The following CTSB variants were observed in gnomAD, a reference collection of about 807,000 sequenced individuals.
The protein encoded by CTSB is APP secretase.
CTSB carries 57 observed loss-of-function variants against 44.3 expected under a neutral mutation model. The observed-to-expected ratio is 1.29, with a 90% CI of 1.04 to 1.60. The LOEUF is 1.60. Ranked by LOEUF, CTSB falls within the 40% of genes most tolerant of loss-of-function variation. CTSB has a pLI of 0.00. For missense variants in CTSB, 768 were observed against 443.0 expected (o/e 1.73, Z -6.59); for synonymous variants, 320 against 168.0 (o/e 1.91, Z -7.00).
At position 11,844,961 on chromosome 8, in the gene CTSB, G is replaced by C. The variant is rs1182397283; in HGVS notation, c.*164C>G. ...CCTGTCTGCACTGTAACCACAGGCT[G>C]GGATGTAGCCAGGACTTGGTCTCCT... On this transcript the variant is annotated 3_prime_UTR_variant, in exon 10 of 10. Coordinates refer to ENST00000353047, the MANE Select transcript of CTSB (RefSeq NM_001908.5). 3.3e-6 allele frequency: 2 copies of C among 614,824 alleles called. No individual in the cohort carries two copies. Among genetic ancestry groups the C allele is most frequent in the Non-Finnish European group, 5.8e-6 (2 of 343,480 alleles). 38.1% of individuals were successfully genotyped at this position (614,824 alleles called of 1,614,324 possible).
At chr8:11,845,834 C>T (rs993759610) in intron 8 of CTSB, 45 bp from the exon 9 acceptor site, 4 of 1,565,382 alleles carry the variant, frequency 2.6e-6, no homozygotes, top group Non-Finnish European at 3.5e-6. Context: ...GGCCACTGTC[C>T]CACGCCCCAC....
chr8:11,863,540 G>T (rs1388289245), intron 1 of CTSB, among the ~76,000 whole-genome samples: 1 of 152,076 alleles, frequency 6.6e-6, no homozygotes, highest in African/African-American at 2.4e-5. Context: ...ACCCATTTAT[G>T]CCAGAGGTTG....
intron 1 of CTSB, among the ~76,000 whole-genome samples, chr8:11,866,913 C>G (rs1024455263): frequency 6.6e-6 from 1 of 152,180 alleles, no homozygotes; most frequent in Non-Finnish European, 1.5e-5. Flanking sequence ...GAGAGTGCAT[C>G]TCAGCTATCC....
chr8:11,845,182 G>T lies in CTSB; in HGVS notation c.963C>A (p.Ile321=). 1 of 1,613,904 alleles carries T rather than the reference G, an allele frequency of 6.2e-7. No homozygotes were observed. The highest frequency in any genetic ancestry group is 8.5e-7 in the Non-Finnish European group (1 of 1,179,806). The part of the protein sequence containing the change: ...KILRGQDHCG[I]ESEVVAGIPR... ...GAATTCCAGCCACCACTTCTGATTC[G>T]ATTCCACAGTGATCCTGTCCTCTGA... is the stretch of plus-strand genomic sequence containing the variant. Residue 321 remains isoleucine, a synonymous_variant, in exon 10 of 10, where the codon ATC becomes ATA. Transcript: ENST00000353047.
intron 1 of CTSB, among the ~76,000 whole-genome samples, chr8:11,863,284 T>A (rs1317989009): frequency 2.0e-5 from 3 of 151,920 alleles, no homozygotes; most frequent in African/African-American, 2.4e-5. Context: ...CATAGTGACA[T>A]CCCGTCTCTA....
chr8:11,855,451 G>GTTCAAC (rs1241747657), intron 1 of CTSB, among the ~76,000 whole-genome samples: 5 of 152,236 alleles, frequency 3.3e-5, no homozygotes, highest in Non-Finnish European at 7.3e-5. Flanking sequence ...GAGGCCAGGT[G>GTTCAAC]TTCAACACCA....
rs1414442738 is a variant in CTSB, at chr8:11,847,770, C to T, written c.585G>A (p.Arg195=). The change falls in exon 7 of 10, where the codon CGG becomes CGA. Residue 195 remains arginine, a synonymous_variant. Transcript: ENST00000353047. ...TATCTCCCTCCCCCGTGCATGGGGGCCGGGAGCCGTTGACGTGGTGCTCAC... is the reference window on the plus strand; with the variant it reads ...TATCTCCCTCCCCCGTGCATGGGGGTCGGGAGCCGTTGACGTGGTGCTCAC... ...PPCEHHVNGS[R]PPCTGEGDTP... 6.2e-7 allele frequency: 1 copy of T among 1,600,176 alleles called. No homozygotes were observed. Among genetic ancestry groups the T allele is most frequent in the Non-Finnish European group, 8.5e-7 (1 of 1,175,912 alleles).
rs1803250 is a variant in CTSB, at chr8:11,852,665, T to C, written c.157A>G (p.Ser53Gly). ...GTACCACATAGCCTCTTCAAGTAGC[T>C]CATGTCCACGTTGTAGAAGTTGTGC... is the stretch of plus-strand genomic sequence containing the variant. ...AGHNFYNVDM[S>G]YLKRLCGTFL... is the part of the protein sequence containing the mutation. The change falls in exon 3 of 10, where the codon AGC becomes GGC. Residue 53 changes from serine to glycine, a missense_variant. Coordinates refer to ENST00000353047, the MANE Select transcript of CTSB (RefSeq NM_001908.5). 199,472 of 1,613,452 alleles carry C rather than the reference T, an allele frequency of 0.12. 13,778 individuals carry two copies. The highest frequency in any genetic ancestry group is 0.14 in the Non-Finnish European group (170,211 of 1,179,542).
In CTSB at chr8:11,847,170, TG is replaced by T. The variant is rs778315738; in HGVS notation, c.677-3del. ...TGGAGACGCTGTAGGAATTGTATCC[TG>T]GAAAATGAACCGAGCTCGGGGTTGG... On this transcript the variant is annotated splice_region_variant and splice_polypyrimidine_tract_variant and intron_variant, in intron 7 of 9. Coordinates refer to ENST00000353047, the MANE Select transcript of CTSB (RefSeq NM_001908.5). The T allele has an allele frequency of 1.3e-6, 2 of 1,598,672 alleles. No homozygotes were observed. Among genetic ancestry groups the T allele is most frequent in the East Asian group, 4.5e-5 (2 of 44,716 alleles).
At chr8:11,858,930 AC>A (rs1815952361) in intron 1 of CTSB, among the ~76,000 whole-genome samples, 1 of 152,100 alleles carries the variant, frequency 6.6e-6, no homozygotes, top group Non-Finnish European at 1.5e-5. Flanking sequence ...TCTGCTTCTT[AC>A]AAGAGATGAT....
At chr8:11,846,979 A>T in intron 8 of CTSB, 73 bp downstream of exon 8, 2 of 825,350 alleles carry the variant, frequency 2.4e-6, no homozygotes, top group Non-Finnish European at 4.2e-6. Flanking sequence ...CTATTGGTCA[A>T]CATGAACCAT....
At chr8:11,867,101 A>C (rs1817264501) in intron 1 of CTSB, among the ~76,000 whole-genome samples, 1 of 151,710 alleles carries the variant, frequency 6.6e-6, no homozygotes, top group Non-Finnish European at 1.5e-5. Context: ...TGGCTTTCTC[A>C]GCGCCTGGGA....
In CTSB at chr8:11,842,843, C is replaced by G. The variant is rs1812497833; in HGVS notation, c.*2282G>C. 1 of 150,116 alleles carries G rather than the reference C, an allele frequency of 6.7e-6. No individual in the cohort carries two copies. Among genetic ancestry groups the G allele is most frequent in the Non-Finnish European group, 1.5e-5 (1 of 67,816 alleles). 9.3% of individuals were successfully genotyped at this position (150,116 alleles called of 1,614,324 possible). ...TAGAGATGGGGTTTCACCGTGTTGCCAAGGCTGATCTCAAAACTCCTGACC... is the reference window on the plus strand; with the variant it reads ...TAGAGATGGGGTTTCACCGTGTTGCGAAGGCTGATCTCAAAACTCCTGACC... On this transcript the variant is annotated 3_prime_UTR_variant, in exon 10 of 10. Coordinates refer to ENST00000353047, the MANE Select transcript of CTSB (RefSeq NM_001908.5).
intron 9 of CTSB, 89 bp from the exon 10 acceptor site, chr8:11,845,311 T>C: frequency 9.9e-7 from 1 of 1,008,844 alleles, no homozygotes; most frequent in East Asian, 2.6e-5. Context: ...AAGTCACTCA[T>C]CCCTGGCCAC....
At chr8:11,861,765 T>A (rs894012507) in intron 1 of CTSB, among the ~76,000 whole-genome samples, 2 of 152,218 alleles carry the variant, frequency 1.3e-5, no homozygotes, top group East Asian at 3.8e-4. Flanking sequence ...TAAAAGCTTT[T>A]AGAGATCCTT....
At chr8:11,847,845 G>T (rs202236499) in intron 6 of CTSB, 23 bp from the exon 7 acceptor site, 1 of 1,532,258 alleles carries the variant, frequency 6.5e-7, no homozygotes, top group Non-Finnish European at 8.7e-7. Context: ...GGGAGAAAGC[G>T]GAGTCAACCT....
At chr8:11,866,002 G>A (rs755461024) in intron 1 of CTSB, among the ~76,000 whole-genome samples, 1 of 145,602 alleles carries the variant, frequency 6.9e-6, no homozygotes, top group South Asian at 2.2e-4. Context: ...CTGAGCGATA[G>A]AGGGAGTGTG....
In CTSB at chr8:11,844,622, G is replaced by C. The variant is rs1812885649; in HGVS notation, c.*503C>G. 1.3e-5 allele frequency: 2 copies of C among 155,448 alleles called. No individual in the cohort carries two copies. The highest frequency in any genetic ancestry group is 1.3e-4 in the Admixed American group (2 of 15,972). The allele number at this position is 155,448 out of a possible 1,614,324, so 9.6% of individuals were successfully genotyped here. On this transcript the variant is annotated 3_prime_UTR_variant, in exon 10 of 10. Transcript: ENST00000353047. ...ATCATGCTGAGCACAAGATCAGAGAGGTTGTGACATTGCAAACTCGATAGA... is the reference window on the plus strand; with the variant it reads ...ATCATGCTGAGCACAAGATCAGAGACGTTGTGACATTGCAAACTCGATAGA...
In CTSB at chr8:11,845,204, C is replaced by T. The variant is rs761763334; in HGVS notation, c.941G>A (p.Arg314Lys). ...WGDNGFFKIL[R>K]GQDHCGIESE... is the part of the protein sequence containing the mutation. ...TTCGATTCCACAGTGATCCTGTCCT[C>T]TGAGTATTTTAAAGAAGCCTGGGAA... Residue 314 changes from arginine (R) to lysine (K), a missense_variant, in exon 10 of 10, where the codon AGA (arginine) becomes AAA (lysine). Arg to Lys is a conservative substitution (Grantham distance 26). Coordinates refer to ENST00000353047, the MANE Select transcript of CTSB (RefSeq NM_001908.5). 6 of 1,613,442 alleles carry T rather than the reference C, an allele frequency of 3.7e-6. No homozygotes were observed. The highest frequency in any genetic ancestry group is 1.6e-4 in the Middle Eastern group (1 of 6,080).
Sources: allele counts gnomAD v4.1 joint callset (sites outside exome capture counted in the v4.1 genomes callset), GRCh38; gene constraint gnomAD v4.1.1; transcripts MANE v1.5; gene names NCBI Gene and HGNC (gene_info 2026-07-23, HGNC 2026-07-21).